Variants in WBP11 observed in about 807,000 individuals in gnomAD.
The protein encoded by WBP11 is WW domain-binding protein 11.
WBP11 carries 12 observed loss-of-function variants against 66.7 expected under a neutral mutation model. The ratio of observed to expected loss-of-function variants is 0.18; its 90% CI spans 0.12 to 0.29. The LOEUF (loss-of-function observed/expected upper bound fraction) is 0.29. WBP11 is among the 10% of genes least tolerant of loss of function. The probability of loss-of-function intolerance (pLI) is 1.00; values close to 1 mark genes in which losing one functional copy is unlikely to be tolerated. For missense variants in WBP11, 555 were observed against 818.3 expected, an observed-to-expected ratio of 0.68 and a Z score of 3.93; for synonymous variants, 255 against 273.8, an observed-to-expected ratio of 0.93 and a Z score of 0.68.
At chr12:14,791,322 A>G in intron 8 of WBP11, 52 bp from the exon 9 acceptor site, 2 of 1,497,854 alleles carry the variant, frequency 1.3e-6, no homozygotes, top group Non-Finnish European at 1.9e-6. Flanking sequence ...AAAATTCAGT[A>G]AATGTTTACT....
At chr12:14,792,561 G>C (rs1348572744) in intron 8 of WBP11, among the ~76,000 whole-genome samples, 1 of 131,314 alleles carries the variant, frequency 7.6e-6, no homozygotes, top group South Asian at 2.3e-4. Context: ...TGGCTGGGTT[G>C]GTGGCTCATG....
chr12:14,788,888 T>A, intron 11 of WBP11, 63 bp downstream of exon 11: 1 of 884,752 alleles, frequency 1.1e-6, no homozygotes, highest in South Asian at 2.5e-5. Context: ...TGTGACCATA[T>A]GTCTTAGAGC....
rs770290284 is a variant in WBP11, at chr12:14,801,414, TAA to T, written c.-33_-32del. 11 of 1,604,028 alleles carry T rather than the reference TAA, an allele frequency of 6.9e-6. No homozygotes were observed. In the African/African-American group the frequency reaches 1.3e-4, roughly 20 times the overall value. On this transcript the variant is annotated 5_prime_UTR_variant, in exon 2 of 12. Transcript: ENST00000261167. ...CAATTTGTATGGTTTACTTGTTCAT[TAA>T]AAAAAGAAAAACCTGTGAAGGTGAA...
chr12:14,801,305 C>T lies in WBP11; in HGVS notation c.64+15G>A. On this transcript the variant is annotated intron_variant, in intron 2 of 11. Coordinates refer to ENST00000261167, the MANE Select transcript of WBP11 (RefSeq NM_016312.3). ...CACTCTCCTACTTCATCATTCCACA[C>T]TAATGGACACTTACGGGCTTGGTCT... 1.2e-6 allele frequency: 2 copies of T among 1,612,808 alleles called. No individual in the cohort carries two copies. Among genetic ancestry groups the T allele is most frequent in the Non-Finnish European group, 1.7e-6 (2 of 1,179,104 alleles).
chr12:14,800,899 G>C, intron 2 of WBP11, 116 bp from the exon 3 acceptor site: 3 of 838,422 alleles, frequency 3.6e-6, no homozygotes, highest in Non-Finnish European at 5.5e-6. Flanking sequence ...CACTGTAAAA[G>C]AGCAGCATCT....
At chr12:14,795,147 TACTA>T (rs1406128745) in intron 5 of WBP11, 43 bp from the exon 6 acceptor site, 1 of 1,504,560 alleles carries the variant, frequency 6.6e-7, no homozygotes, top group Non-Finnish European at 8.8e-7. Flanking sequence ...AAAAGTCATC[TACTA>T]ACTAAACACT....
chr12:14,800,649 T>G, intron 3 of WBP11, 103 bp downstream of exon 3: 1 of 1,136,780 alleles, frequency 8.8e-7, no homozygotes, highest in Non-Finnish European at 1.3e-6. Flanking sequence ...AAAGTACCTT[T>G]TCTAGAAAAT....
intron 11 of WBP11, 103 bp downstream of exon 11, chr12:14,788,847 TA>T: frequency 1.6e-6 from 1 of 629,096 alleles, no homozygotes; most frequent in Non-Finnish European, 2.5e-6. Flanking sequence ...CCACTGACTG[TA>T]AGATGACCTC....
intron 1 of WBP11, 123 bp downstream of exon 1, chr12:14,803,229 G>A (rs1335150446): frequency 1.0e-5 from 4 of 391,770 alleles, no homozygotes; most frequent in African/African-American, 2.1e-5. Flanking sequence ...CCGCAACAGG[G>A]AGACCTCAAC....
Position 14,794,732 on chromosome 12 carries a change from G to A in WBP11, c.526C>T (p.Pro176Ser), listed in dbSNP as rs1161415440. Residue 176 changes from proline (P) to serine (S), a missense_variant, in exon 7 of 12, where the codon CCA becomes TCA. Transcript: ENST00000261167. ...GGAAGGATAGAAACTGCCCGAGTTGGAGGTCTGTTAAAAAAAAAAACAAAA... is the reference window on the plus strand; with the variant it reads ...GGAAGGATAGAAACTGCCCGAGTTGAAGGTCTGTTAAAAAAAAAAACAAAA... The part of the protein sequence containing the change: ...ILKKTSAYGP[P>S]TRAVSILPLL... 2 of 1,539,920 alleles carry A rather than the reference G, an allele frequency of 1.3e-6. No individual in the cohort carries two copies. Among genetic ancestry groups the A allele is most frequent in the South Asian group, 1.2e-5 (1 of 80,104 alleles).
chr12:14,789,095 G>C lies in WBP11; in HGVS notation c.1348C>G (p.Leu450Val). The C allele has an allele frequency of 6.6e-7, 1 of 1,526,300 alleles. No individual in the cohort carries two copies. Among genetic ancestry groups the C allele is most frequent in the Non-Finnish European group, 8.7e-7 (1 of 1,148,880 alleles). 94.5% of individuals were successfully genotyped at this position (1,526,300 alleles called of 1,614,324 possible). ...AAAAGTCGGGGTAAGGGCCCTCGGA[G>C]TCCTGGCATTCCAGGTGGTCTCAGG... ...PFLRPPGMPG[L>V]RGPLPRLLPP... Residue 450 changes from leucine to valine, a missense_variant, in exon 11 of 12, where the codon CTC becomes GTC. Physicochemically the swap from Leu to Val is conservative, Grantham distance 32. Transcript: ENST00000261167.
chr12:14,799,471 C>G, intron 4 of WBP11, 164 bp downstream of exon 4: 1 of 552,010 alleles, frequency 1.8e-6, no homozygotes. Context: ...CAGTTTGCAA[C>G]AGCCCTCTAG....
Position 14,787,405 on chromosome 12 carries a change from G to A in WBP11, c.1586C>T (p.Pro529Leu). 6.3e-7 allele frequency: 1 copy of A among 1,579,894 alleles called. No individual in the cohort carries two copies. The highest frequency in any genetic ancestry group is 8.6e-7 in the Non-Finnish European group (1 of 1,160,340). ...PPGLFPPAPL[P>L]NPGVLSAPPN... ...TGGGGCACTTAAAACCCCAGGGTTT[G>A]GCAAGGGAGCTGGTGGGAACAGCCC... The change falls in exon 12 of 12, where the codon CCA (proline) becomes CTA (leucine). Residue 529 changes from proline (P) to leucine (L), a missense_variant. By Grantham distance (98) the Pro-to-Leu change is moderately conservative (BLOSUM62 -3). Transcript: ENST00000261167.
chr12:14,789,353 A>G (rs1949794493), intron 10 of WBP11, among the ~76,000 whole-genome samples: 1 of 151,372 alleles, frequency 6.6e-6, no homozygotes, highest in African/African-American at 2.4e-5. Flanking sequence ...GGGAGGCTGA[A>G]GTGGGTGGAT....
At chr12:14,794,211 TAC>T (rs1434112377) in intron 7 of WBP11, among the ~76,000 whole-genome samples, 5 of 152,192 alleles carry the variant, frequency 3.3e-5, no homozygotes, top group African/African-American at 1.2e-4. Flanking sequence ...TGTATACACA[TAC>T]ACAGTCAGTG....
chr12:14,786,017 T>A lies in WBP11; in HGVS notation c.*1048A>T, dbSNP rs1011470444. The A allele has an allele frequency of 6.6e-6, 1 of 152,182 alleles. No individual in the cohort carries two copies. The highest frequency in any genetic ancestry group is 1.5e-5 in the Non-Finnish European group (1 of 68,022). 9.4% of individuals were successfully genotyped at this position (152,182 alleles called of 1,614,324 possible). A position where few individuals can be genotyped will look rare whatever the true frequency, so the allele number is the denominator to read the frequency against. On this transcript the variant is annotated 3_prime_UTR_variant, in exon 12 of 12. Transcript: ENST00000261167. ...AAAGCACTTTGTAAAGAAAATGGTA[T>A]AAATGCAAATTAATGTTAAGCACTC...
In WBP11 at chr12:14,788,995, G is replaced by A; in HGVS notation, c.1448C>T (p.Pro483Leu). The change falls in exon 11 of 12, where the codon CCT becomes CTT. Residue 483 changes from proline (P) to leucine (L), a missense_variant. Pro to Leu is a moderately conservative substitution (Grantham distance 98). Transcript: ENST00000261167. ...GPPPGLPPGPPPRGPPPRLPP... is the reference protein window; with the variant it reads ...GPPPGLPPGPLPRGPPPRLPP... Reference sequence around the variant, plus strand: ...TAGCCTTGGTGGGGGTCCACGAGGAGGGGGACCAGGAGGCAGACCTGGAGG... The same window carrying A: ...TAGCCTTGGTGGGGGTCCACGAGGAAGGGGACCAGGAGGCAGACCTGGAGG... 6.8e-7 allele frequency: 1 copy of A among 1,479,762 alleles called. No homozygotes were observed. The highest frequency in any genetic ancestry group is 8.9e-7 in the Non-Finnish European group (1 of 1,122,156). 91.7% of individuals were successfully genotyped at this position (1,479,762 alleles called of 1,614,324 possible).
Position 14,799,703 on chromosome 12 carries a change from C to T in WBP11, c.122G>A (p.Arg41Gln). The change falls in exon 4 of 12, where the codon CGA becomes CAA. Residue 41 changes from arginine (R) to glutamine (Q), a missense_variant. This residue lies in a region of WBP11 where 43 missense variants were observed against 142.1 expected (regional missense o/e 0.30). Transcript: ENST00000261167. ...KKNKKQRMMV[R>Q]AAVLKMKDPK... ...ATCCTTCATCTTTAAAACTGCAGCTCGAACCATCATGCGCTGTTTTTTGTT... is the reference window on the plus strand; with the variant it reads ...ATCCTTCATCTTTAAAACTGCAGCTTGAACCATCATGCGCTGTTTTTTGTT... 1 of 1,613,482 alleles carries T rather than the reference C, an allele frequency of 6.2e-7. No homozygotes were observed. Among genetic ancestry groups the T allele is most frequent in the Non-Finnish European group, 8.5e-7 (1 of 1,179,668 alleles).
chr12:14,794,665 TTTCTGCCAGGGGGCAAAC>T lies in WBP11; in HGVS notation c.575_592del (p.Arg192_Lys198delinsGln), dbSNP rs1565673487. On this transcript the variant is annotated inframe_deletion, in exon 7 of 12. Transcript: ENST00000261167. ...TGGACCAGGGGGAGGGCCAGGAGGT[TTTCTGCCAGGGGGCAAAC>T]GTGGAACACCATGTCCAAGAAGAGG... is the stretch of plus-strand genomic sequence containing the variant. 1 of 1,612,564 alleles carries T rather than the reference TTTCTGCCAGGGGGCAAAC, an allele frequency of 6.2e-7. No homozygotes were observed. The highest frequency in any genetic ancestry group is 8.5e-7 in the Non-Finnish European group (1 of 1,179,150).
Sources: gnomAD v4.1 joint callset for allele counts (sites outside exome capture counted in the v4.1 genomes callset) on GRCh38, gnomAD v4.1.1 for gene constraint, gnomAD v4.1.1 regional missense constraint, MANE v1.5 for transcripts, NCBI Gene and HGNC (gene_info 2026-07-23, HGNC 2026-07-21) for gene names.